Variants in MEGF11 observed in about 807,000 individuals in gnomAD.
The protein encoded by MEGF11 is multiple epidermal growth factor-like domains protein 11.
MEGF11 carries 126 observed loss-of-function variants against 146.6 expected under a neutral mutation model. That is an observed-to-expected ratio of 0.86 (90% CI 0.74 to 1.00). The LOEUF is 1.00. MEGF11 is among the 50% of genes least tolerant of loss of function. The pLI is 0.00. For synonymous variants in MEGF11, 532 were observed against 583.4 expected, an observed-to-expected ratio of 0.91 and a Z score of 1.27; for missense variants, 1,509 against 1,521.2, an observed-to-expected ratio of 0.99 and a Z score of 0.13.
chr15:66,017,032 T>C (rs2082912112), intron 5 of MEGF11, among the ~76,000 whole-genome samples: 1 of 152,108 alleles, frequency 6.6e-6, no homozygotes, highest in African/African-American at 2.4e-5. Context: ...TGGACAGGGG[T>C]TATTTTTTGT....
intron 5 of MEGF11, among the ~76,000 whole-genome samples, chr15:66,016,227 A>G (rs1001852244): frequency 6.6e-6 from 1 of 151,984 alleles, no homozygotes; most frequent in Non-Finnish European, 1.5e-5. Flanking sequence ...ATTTTCTTTC[A>G]ATGATCAATT....
intron 5 of MEGF11, among the ~76,000 whole-genome samples, chr15:66,092,875 C>A (rs552216827): frequency 6.6e-6 from 1 of 152,350 alleles, no homozygotes; most frequent in East Asian, 1.9e-4. Flanking sequence ...CTGACCTAAT[C>A]CAAGTCAGAT....
intron 5 of MEGF11, among the ~76,000 whole-genome samples, chr15:66,020,835 A>G (rs922859762): frequency 6.6e-6 from 1 of 152,100 alleles, no homozygotes; most frequent in Non-Finnish European, 1.5e-5. Context: ...TGCTAAAAAT[A>G]CAAAAAGTTA....
At chr15:66,184,120 T>G (rs986904265) in intron 1 of MEGF11, among the ~76,000 whole-genome samples, 1 of 152,170 alleles carries the variant, frequency 6.6e-6, no homozygotes, top group Non-Finnish European at 1.5e-5. Context: ...TTGGGGGTGA[T>G]GGATATATTC....
rs373564625 is a variant in MEGF11 at position 66,205,791 on chromosome 15, C to T, written c.-9+47814G>A. 3.9e-5 allele frequency among the ~76,000 whole-genome samples: 6 copies of T among 152,326 alleles called. No homozygotes were observed. In the East Asian group the frequency reaches 1.2e-3, roughly 29 times the overall value. ...ACCTGTCAGTAACAAAGCAGCCCCA[C>T]CTCCTTCCCCTGCCAGAGTTGTCAG... On this transcript the variant is annotated intron_variant, in intron 1 of 25. Coordinates refer to ENST00000395614, the MANE Select transcript of MEGF11 (RefSeq NM_001385028.1).
intron 5 of MEGF11, among the ~76,000 whole-genome samples, chr15:66,051,051 C>G (rs1221068883): frequency 6.6e-6 from 1 of 152,246 alleles, no homozygotes; most frequent in African/African-American, 2.4e-5. Context: ...CAGATATGAG[C>G]CCCAAAGGAC....
At chr15:66,252,240 C>T (rs1279946217) in intron 1 of MEGF11, among the ~76,000 whole-genome samples, 2 of 150,940 alleles carry the variant, frequency 1.3e-5, no homozygotes, top group Admixed American at 1.3e-4. Flanking sequence ...CACCCCCCAC[C>T]CCCCACCGGC....
rs781089324 is a variant in MEGF11, at chr15:65,970,563, T to G, written c.889A>C (p.Met297Leu). The change falls in exon 8 of 26, where the codon ATG (methionine) becomes CTG (leucine). Residue 297 changes from methionine (M) to leucine (L), a missense_variant. Met to Leu is a conservative substitution (Grantham distance 15, BLOSUM62 2). Transcript: ENST00000395614. ...TGQCHCTAGYMGDRCQEECPF... is the reference protein window; with the variant it reads ...TGQCHCTAGYLGDRCQEECPF... Reference sequence around the variant, plus strand: ...TAACACTATCCTTACCTGTCCCCCATGTATCCAGCTGTACAGTGGCACTGT... The same window carrying G: ...TAACACTATCCTTACCTGTCCCCCAGGTATCCAGCTGTACAGTGGCACTGT... The G allele has an allele frequency of 1.2e-6, 2 of 1,614,004 alleles. No homozygotes were observed. The highest frequency in any genetic ancestry group is 1.7e-6 in the Non-Finnish European group (2 of 1,179,868).
At chr15:65,992,414 T>C (rs1016731737) in intron 5 of MEGF11, among the ~76,000 whole-genome samples, 5 of 132,006 alleles carry the variant, frequency 3.8e-5, no homozygotes, top group Non-Finnish European at 7.9e-5. Context: ...CCTATTAAAA[T>C]GCAAACAACC....
intron 22 of MEGF11, 99 bp from the exon 23 acceptor site, chr15:65,909,234 A>C (rs1181075547): frequency 1.1e-6 from 1 of 872,486 alleles, no homozygotes; most frequent in African/African-American, 1.7e-5. Context: ...GGTCAGGGTG[A>C]GGCAGGCTGG....
chr15:66,034,928 G>A (rs577823174), intron 5 of MEGF11, among the ~76,000 whole-genome samples: 1 of 152,234 alleles, frequency 6.6e-6, no homozygotes, highest in African/African-American at 2.4e-5. Flanking sequence ...GCTCTCTCTG[G>A]CTCTCTTGCC....
intron 4 of MEGF11, among the ~76,000 whole-genome samples, chr15:66,112,706 G>C (rs928662469): frequency 5.5e-5 from 7 of 127,884 alleles, no homozygotes; most frequent in African/African-American, 1.1e-4. Flanking sequence ...ACATCCTAGG[G>C]AAACTGCAGG....
chr15:65,977,038 G>A (rs1461637663), intron 7 of MEGF11, among the ~76,000 whole-genome samples: 10 of 151,878 alleles, frequency 6.6e-5, no homozygotes, highest in South Asian at 2.1e-4. Flanking sequence ...GCGTGATGGC[G>A]GGTGCCTGTA....
chr15:66,226,658 T>G (rs2091859692), intron 1 of MEGF11, among the ~76,000 whole-genome samples: 1 of 152,144 alleles, frequency 6.6e-6, no homozygotes, highest in South Asian at 2.1e-4. Context: ...TATACCTAAT[T>G]TACAAATTAA....
At chr15:66,176,685 A>G (rs540196678) in intron 1 of MEGF11, among the ~76,000 whole-genome samples, 1 of 152,220 alleles carries the variant, frequency 6.6e-6, no homozygotes, top group Non-Finnish European at 1.5e-5. Flanking sequence ...GTTTTTGGAA[A>G]GCGCTTCATC....
intron 1 of MEGF11, among the ~76,000 whole-genome samples, chr15:66,157,819 C>G (rs2089816740): frequency 6.6e-6 from 1 of 152,218 alleles, no homozygotes; most frequent in African/African-American, 2.4e-5. Context: ...TACAGGAGCA[C>G]AGCTCTGACC....
chr15:65,996,498 T>A (rs167994), intron 5 of MEGF11, among the ~76,000 whole-genome samples: 95,509 of 147,546 alleles, frequency 0.65, 31,785 homozygotes, highest in Non-Finnish European at 0.74. Context: ...TTTTTTTTTT[T>A]AATCTCAGAT....
In MEGF11 at chr15:66,211,718, T is replaced by C. The variant is rs1317310610; in HGVS notation, c.-9+41887A>G. On this transcript the variant is annotated intron_variant, in intron 1 of 25. Transcript: ENST00000395614. ...TGTGCTAATTGTCAAATATTTTGAC[T>C]ATGACCCTGAGTAAGACACTCTCCT... 5.9e-5 allele frequency among the ~76,000 whole-genome samples: 9 copies of C among 151,730 alleles called. No homozygotes were observed. In the South Asian group the frequency reaches 1.9e-3, roughly 32 times the overall value.
chr15:65,915,670 T>A, intron 18 of MEGF11, 72 bp from the exon 19 acceptor site: 11 of 1,565,582 alleles, frequency 7.0e-6, no homozygotes, highest in Non-Finnish European at 9.6e-6. Context: ...TTTAGACAGC[T>A]ATGGCAATAA....
Sources: gnomAD v4.1 joint callset for allele counts (sites outside exome capture counted in the v4.1 genomes callset) on GRCh38, gnomAD v4.1.1 for gene constraint, MANE v1.5 for transcripts, NCBI Gene and HGNC (gene_info 2026-07-23, HGNC 2026-07-21) for gene names.